Variants in PRMT3 observed in about 807,000 individuals in gnomAD.
PRMT3 encodes protein arginine methyltransferase 3, also known as protein arginine N-methyltransferase 3.
Under a neutral mutation model 71.9 loss-of-function variants are expected in PRMT3, and 62 were observed. That is an observed-to-expected ratio of 0.86 (90% CI 0.70 to 1.07). The LOEUF (loss-of-function observed/expected upper bound fraction) is 1.07, where lower values mean the gene tolerates loss of function less well. Among genes scored for constraint, PRMT3 ranks in the 50% least tolerant of loss-of-function variants. PRMT3 has a pLI of 0.00. For synonymous variants in PRMT3, 213 were observed against 220.4 expected (o/e 0.97, Z 0.30); for missense variants, 663 against 643.0 (o/e 1.03, Z -0.34).
chr11:20,501,923 C>G (rs928791481), intron 15 of PRMT3, among the ~76,000 whole-genome samples: 3 of 152,066 alleles, frequency 2.0e-5, no homozygotes, highest in African/African-American at 7.2e-5. Flanking sequence ...GATAGATAAT[C>G]TGGGATTTTT....
chr11:20,474,611 G>T (rs1850734151), intron 13 of PRMT3, among the ~76,000 whole-genome samples: 1 of 152,220 alleles, frequency 6.6e-6, no homozygotes, highest in South Asian at 2.1e-4. Context: ...TAGGTGCAAA[G>T]ATCCATGGGA....
intron 15 of PRMT3, among the ~76,000 whole-genome samples, chr11:20,500,740 A>G (rs1271014380): frequency 2.6e-5 from 4 of 152,244 alleles, no homozygotes; most frequent in Non-Finnish European, 5.9e-5. Flanking sequence ...TAAGTGGATC[A>G]TAGGTACAAA....
chr11:20,404,484 G>A (rs1294665788), intron 8 of PRMT3, among the ~76,000 whole-genome samples: 1 of 151,576 alleles, frequency 6.6e-6, no homozygotes, highest in Admixed American at 6.6e-5. Flanking sequence ...CGCCCGCCTC[G>A]GCCTCCCAAA....
chr11:20,403,057 CATT>C (rs1848985286), intron 8 of PRMT3, 73 bp downstream of exon 8: 1 of 1,096,140 alleles, frequency 9.1e-7, no homozygotes, highest in Non-Finnish European at 1.4e-6. Flanking sequence ...CTTGGCTCAT[CATT>C]GTGATAGCAA....
chr11:20,426,566 A>G (rs752393467), intron 9 of PRMT3, among the ~76,000 whole-genome samples, 200 bp from the exon 10 acceptor site: 1 of 152,224 alleles, frequency 6.6e-6, no homozygotes, highest in South Asian at 2.1e-4. Flanking sequence ...GGTTCACTGT[A>G]TTGCCATATT....
chr11:20,436,492 A>G (rs1208896339), intron 10 of PRMT3, among the ~76,000 whole-genome samples: 1 of 152,124 alleles, frequency 6.6e-6, no homozygotes, highest in African/African-American at 2.4e-5. Flanking sequence ...AGTATTTATC[A>G]TGAAGGGATG....
At chr11:20,402,768 G>A in intron 7 of PRMT3, 151 bp from the exon 8 acceptor site, 2 of 563,754 alleles carry the variant, frequency 3.5e-6, no homozygotes, top group East Asian at 2.9e-5. Flanking sequence ...ATTCTTTATT[G>A]TTTTCTTAGG....
intron 10 of PRMT3, among the ~76,000 whole-genome samples, chr11:20,438,397 A>G (rs530230336): frequency 7.2e-5 from 11 of 152,192 alleles, no homozygotes; most frequent in African/African-American, 2.4e-4. Context: ...GGTGGAGCTC[A>G]GCTGTCATTT....
At chr11:20,391,041 C>T (rs1169621917) in intron 3 of PRMT3, among the ~76,000 whole-genome samples, 6 of 98,200 alleles carry the variant, frequency 6.1e-5, no homozygotes, top group Non-Finnish European at 1.1e-4. Context: ...CAGACTGAGA[C>T]GCCGTCTCAA....
chr11:20,422,875 A>C (rs1849457721), intron 9 of PRMT3, among the ~76,000 whole-genome samples: 1 of 152,144 alleles, frequency 6.6e-6, no homozygotes, highest in Admixed American at 6.5e-5. Flanking sequence ...GACTCAGAAG[A>C]AGTAGGGATC....
At chr11:20,494,659 TAAGAA>T (rs1226786535) in intron 15 of PRMT3, among the ~76,000 whole-genome samples, 84 of 152,296 alleles carry the variant, frequency 5.5e-4, no homozygotes, top group African/African-American at 1.9e-3. Flanking sequence ...TAACAGATGT[TAAGAA>T]AAGATATTCT....
At chr11:20,459,510 A>T (rs1301790612) in intron 11 of PRMT3, among the ~76,000 whole-genome samples, 1 of 152,202 alleles carries the variant, frequency 6.6e-6, no homozygotes. Context: ...TATATTGTCC[A>T]TGCTGCTTTC....
intron 15 of PRMT3, among the ~76,000 whole-genome samples, chr11:20,505,039 C>CT (rs1312873275): frequency 1.6e-4 from 25 of 152,246 alleles, no homozygotes; most frequent in Admixed American, 4.6e-4. Flanking sequence ...AGCCTTTATG[C>CT]TTTTTTGAAG....
intron 5 of PRMT3, 146 bp from the exon 6 acceptor site, chr11:20,395,657 T>C: frequency 1.3e-6 from 1 of 785,978 alleles, no homozygotes; most frequent in Non-Finnish European, 1.9e-6. Context: ...AAAGCCAAGA[T>C]GATTAATATT....
At chr11:20,409,957 A>T (rs771735248) in intron 9 of PRMT3, among the ~76,000 whole-genome samples, 2 of 152,140 alleles carry the variant, frequency 1.3e-5, no homozygotes, top group Non-Finnish European at 2.9e-5. Context: ...TTCTAGTCTT[A>T]TGAAAGCTAT....
At chr11:20,490,316 A>C (rs770139703) in intron 13 of PRMT3, among the ~76,000 whole-genome samples, 2 of 152,170 alleles carry the variant, frequency 1.3e-5, no homozygotes, top group Admixed American at 6.5e-5. Flanking sequence ...GATATTTGTC[A>C]TAGATTCTTT....
chr11:20,470,272 G>A (rs117752213), intron 13 of PRMT3, among the ~76,000 whole-genome samples: 5,141 of 152,220 alleles, frequency 0.034, 146 homozygotes, highest in Middle Eastern at 0.12. Flanking sequence ...TGGGGTTCAT[G>A]TGCAGGATGT....
At chr11:20,439,446 C>T (rs1485270187) in intron 10 of PRMT3, among the ~76,000 whole-genome samples, 1 of 152,166 alleles carries the variant, frequency 6.6e-6, no homozygotes, top group East Asian at 1.9e-4. Context: ...CTGATGTCTC[C>T]AGAGCTCTCC....
chr11:20,464,624 G>A, intron 13 of PRMT3, 78 bp downstream of exon 13: 1 of 1,564,080 alleles, frequency 6.4e-7, no homozygotes, highest in Non-Finnish European at 8.6e-7. Flanking sequence ...TAATTACCAG[G>A]CTTGTGACAA....
Sources: allele counts gnomAD v4.1 joint callset (sites outside exome capture counted in the v4.1 genomes callset), GRCh38; gene constraint gnomAD v4.1.1; transcripts MANE v1.5; gene names NCBI Gene and HGNC (gene_info 2026-07-23, HGNC 2026-07-21).